The following SP100 variants were observed in gnomAD, a reference collection of about 807,000 sequenced individuals.
SP100 encodes nuclear autoantigen Sp-100.
SP100 carries 84 observed loss-of-function variants against 130.0 expected under a neutral mutation model. The ratio of observed to expected loss-of-function variants is 0.65; its 90% confidence interval spans 0.54 to 0.77. The LOEUF is 0.77. Among genes scored for constraint, SP100 ranks in the 30% least tolerant of loss-of-function variants. SP100 has a pLI of 0.00. For missense variants in SP100, 978 were observed against 1,052.2 expected (o/e 0.93, Z 0.97); for synonymous variants, 331 against 351.7 (o/e 0.94, Z 0.66).
At chr2:230,539,232 A>G in intron 24 of SP100, 35 bp from the exon 25 acceptor site, 2 of 1,380,110 alleles carry the variant, frequency 1.4e-6, no homozygotes, top group Non-Finnish European at 2.1e-6. Flanking sequence ...CAAGGGTCTC[A>G]CTGATCCCGG....
chr2:230,441,215 G>A (rs769721329), intron 2 of SP100, among the ~76,000 whole-genome samples: 2 of 152,166 alleles, frequency 1.3e-5, no homozygotes, highest in Non-Finnish European at 2.9e-5. Context: ...AAATGTGCTT[G>A]ACATCATTTT....
chr2:230,495,262 A>G (rs1442405169), intron 18 of SP100, among the ~76,000 whole-genome samples: 2 of 152,222 alleles, frequency 1.3e-5, no homozygotes, highest in Non-Finnish European at 2.9e-5. Context: ...AATCAATTAC[A>G]TGGAAGCCAG....
At chr2:230,520,254 C>T (rs699661) in intron 24 of SP100, among the ~76,000 whole-genome samples, 128,060 of 152,142 alleles carry the variant, frequency 0.84, 54,255 homozygotes, top group Middle Eastern at 0.92. Context: ...CTGACACCTC[C>T]GCTATTGTGG....
intron 2 of SP100, among the ~76,000 whole-genome samples, chr2:230,425,577 A>G (rs1243993170): frequency 6.6e-6 from 1 of 152,232 alleles, no homozygotes; most frequent in African/African-American, 2.4e-5. Flanking sequence ...TACATGTTGC[A>G]TCATCCTTGC....
At chr2:230,514,718 C>CT (rs1173731023) in intron 24 of SP100, among the ~76,000 whole-genome samples, 2 of 152,142 alleles carry the variant, frequency 1.3e-5, no homozygotes, top group African/African-American at 4.8e-5. Context: ...TTTGCTGGAA[C>CT]TTTTTCGTTA....
At chr2:230,457,526 A>G (rs574339324) in intron 8 of SP100, among the ~76,000 whole-genome samples, 7 of 152,234 alleles carry the variant, frequency 4.6e-5, no homozygotes, top group Middle Eastern at 6.8e-3. Context: ...GTTTTACTGA[A>G]GTCGGTTCTG....
intron 15 of SP100, among the ~76,000 whole-genome samples, chr2:230,472,929 T>C (rs2065346838): frequency 6.6e-6 from 1 of 152,140 alleles, no homozygotes; most frequent in South Asian, 2.1e-4. Flanking sequence ...AGCCCTGTCT[T>C]CTAAACTCAT....
intron 2 of SP100, among the ~76,000 whole-genome samples, chr2:230,432,283 G>T (rs2063121922): frequency 6.6e-6 from 1 of 151,830 alleles, no homozygotes; most frequent in South Asian, 2.1e-4. Flanking sequence ...TTTTTCATTT[G>T]CCAGTCAATG....
At chr2:230,527,967 C>A (rs1261647026) in intron 24 of SP100, among the ~76,000 whole-genome samples, 1 of 152,128 alleles carries the variant, frequency 6.6e-6, no homozygotes, top group African/African-American at 2.4e-5. Flanking sequence ...GAGACTCCCA[C>A]ACAATAAAAA....
intron 24 of SP100, among the ~76,000 whole-genome samples, chr2:230,522,466 C>G (rs1292173457): frequency 7.2e-6 from 1 of 138,490 alleles, no homozygotes; most frequent in African/African-American, 2.7e-5. Flanking sequence ...TGCTCTTTGG[C>G]CCCAGTGTTC....
rs528136160 is a variant in SP100 at position 230,507,630 on chromosome 2, G to A, written c.2014-363G>A. 5.9e-5 allele frequency among the ~76,000 whole-genome samples: 9 copies of A among 152,246 alleles called. No individual in the cohort carries two copies. In the East Asian group the frequency reaches 1.7e-3, roughly 29 times the overall value. On this transcript the variant is annotated intron_variant, in intron 22 of 28. Coordinates refer to ENST00000340126, the MANE Select transcript of SP100 (RefSeq NM_001080391.2). Reference sequence around the variant, plus strand: ...TGGCTTTGAGGTTGAGGACCATTTTGTGGAACTCTTGCACTGAGCTAGGTC... The same window carrying A: ...TGGCTTTGAGGTTGAGGACCATTTTATGGAACTCTTGCACTGAGCTAGGTC...
intron 16 of SP100, among the ~76,000 whole-genome samples, chr2:230,473,808 C>G (rs1045849240): frequency 6.6e-6 from 1 of 151,098 alleles, no homozygotes; most frequent in African/African-American, 2.4e-5. Context: ...CACTGGTAAA[C>G]ATAGTAGTAT....
chr2:230,529,666 A>G (rs941719953), intron 24 of SP100, among the ~76,000 whole-genome samples: 7 of 152,242 alleles, frequency 4.6e-5, no homozygotes, highest in East Asian at 1.9e-4. Context: ...GCATGATTGT[A>G]TATTTAGAAA....
At chr2:230,515,574 G>T (rs752816429) in intron 24 of SP100, 1 of 1,598,812 alleles carries the variant, frequency 6.3e-7, no homozygotes, top group Non-Finnish European at 8.5e-7. Flanking sequence ...GCAAGAAAAA[G>T]AAGGAAGAGG....
intron 23 of SP100, chr2:230,510,885 C>T (rs181693179): frequency 2.5e-5 from 14 of 554,576 alleles, no homozygotes; most frequent in East Asian, 3.1e-5. Flanking sequence ...AATGGTTTCA[C>T]GAAGGCCTGC....
At chr2:230,457,220 C>T (rs2064322591) in intron 8 of SP100, among the ~76,000 whole-genome samples, 1 of 151,946 alleles carries the variant, frequency 6.6e-6, no homozygotes, top group Non-Finnish European at 1.5e-5. Context: ...ATCTGCAGGG[C>T]TCTACACCAC....
intron 17 of SP100, among the ~76,000 whole-genome samples, chr2:230,476,166 T>C (rs2065536192): frequency 6.6e-6 from 1 of 152,248 alleles, no homozygotes; most frequent in Non-Finnish European, 1.5e-5. Flanking sequence ...TTCCAATCCA[T>C]GAGCATGGAA....
At chr2:230,432,284 C>T (rs1288627888) in intron 2 of SP100, among the ~76,000 whole-genome samples, 1 of 152,046 alleles carries the variant, frequency 6.6e-6, no homozygotes, top group Non-Finnish European at 1.5e-5. Flanking sequence ...TTTTCATTTG[C>T]CAGTCAATGG....
intron 8 of SP100, among the ~76,000 whole-genome samples, chr2:230,451,572 TA>T (rs2149930438): frequency 6.6e-6 from 1 of 152,364 alleles, no homozygotes; most frequent in South Asian, 2.1e-4. Context: ...GGTTTGCAAA[TA>T]TTTTTTCCCA....
Sources: allele counts gnomAD v4.1 joint callset (sites outside exome capture counted in the v4.1 genomes callset), GRCh38; gene constraint gnomAD v4.1.1; transcripts MANE v1.5; gene names NCBI Gene and HGNC (gene_info 2026-07-23, HGNC 2026-07-21).